MBNL1: variants seen among roughly 807,000 people sequenced by gnomAD.
MBNL1 encodes muscleblind like splicing regulator 1.
In MBNL1, 8 loss-of-function variants were observed where a neutral mutation model predicts 42.2. That is an observed-to-expected ratio of 0.19 (90% CI 0.11 to 0.34). MBNL1 has a LOEUF of 0.34. Among genes scored for constraint, MBNL1 ranks in the 10% least tolerant of loss-of-function variants. The pLI, the probability that MBNL1 is intolerant of heterozygous loss-of-function variation, is 1.00. For synonymous variants in MBNL1, 169 were observed against 173.9 expected (o/e 0.97, Z 0.22); for missense variants, 309 against 495.3 (o/e 0.62, Z 3.57).
intron 6 of MBNL1, among the ~76,000 whole-genome samples, chr3:152,448,492 CT>C (rs1478148468): frequency 2.0e-5 from 3 of 152,140 alleles, no homozygotes; most frequent in Non-Finnish European, 2.9e-5. Context: ...TCACTCTGAA[CT>C]TACTTCAGAA....
At chr3:152,276,318 C>CAGTA (rs2150096799) in intron 1 of MBNL1, among the ~76,000 whole-genome samples, 1 of 152,202 alleles carries the variant, frequency 6.6e-6, no homozygotes, top group South Asian at 2.1e-4. Context: ...CTCAGAACAA[C>CAGTA]CCTATGGTAT....
intron 3 of MBNL1, among the ~76,000 whole-genome samples, chr3:152,426,468 A>G (rs2153720271): frequency 6.6e-6 from 1 of 152,366 alleles, no homozygotes; most frequent in Middle Eastern, 3.4e-3. Flanking sequence ...TTGGTACATA[A>G]TTTAACCAAA....
intron 2 of MBNL1, among the ~76,000 whole-genome samples, chr3:152,261,108 A>G (rs745813640): frequency 6.6e-6 from 1 of 152,150 alleles, no homozygotes; most frequent in Non-Finnish European, 1.5e-5. Context: ...TTAGGCAAGA[A>G]GCTGGCAACC....
chr3:152,345,132 G>A (rs2094023785), intron 2 of MBNL1, among the ~76,000 whole-genome samples: 1 of 151,652 alleles, frequency 6.6e-6, no homozygotes, highest in Non-Finnish European at 1.5e-5. Flanking sequence ...ATTTATTTTG[G>A]CAATTCACTG....
intron 2 of MBNL1, among the ~76,000 whole-genome samples, chr3:152,392,118 G>T (rs1194377541): frequency 1.3e-5 from 2 of 151,690 alleles, no homozygotes; most frequent in Admixed American, 6.6e-5. Context: ...AGAAGCAGTT[G>T]ACATTTATAA....
At chr3:152,315,640 A>C (rs2070431086) in intron 2 of MBNL1, among the ~76,000 whole-genome samples, 1 of 151,960 alleles carries the variant, frequency 6.6e-6, no homozygotes, top group Non-Finnish European at 1.5e-5. Context: ...TTCACACTTA[A>C]TGTAAAAAAA....
chr3:152,408,832 A>G (rs575191902), intron 2 of MBNL1, among the ~76,000 whole-genome samples: 15 of 152,254 alleles, frequency 9.9e-5, no homozygotes, highest in Non-Finnish European at 1.6e-4. Context: ...GGTAGGGGTA[A>G]TATAGGCATT....
At chr3:152,380,496 T>C (rs977976603) in intron 2 of MBNL1, among the ~76,000 whole-genome samples, 1 of 152,086 alleles carries the variant, frequency 6.6e-6, no homozygotes, top group Non-Finnish European at 1.5e-5. Flanking sequence ...AATTGATTAC[T>C]AGATGTAAGC....
At chr3:152,247,286 T>C (rs781249346) in intron 2 of MBNL1, among the ~76,000 whole-genome samples, 1 of 152,106 alleles carries the variant, frequency 6.6e-6, no homozygotes, top group Non-Finnish European at 1.5e-5. Context: ...TGACTTTCTA[T>C]TTATTTTTAA....
At chr3:152,344,042 T>C (rs2093806630) in intron 2 of MBNL1, among the ~76,000 whole-genome samples, 1 of 136,280 alleles carries the variant, frequency 7.3e-6, no homozygotes, top group African/African-American at 2.8e-5. Flanking sequence ...GAAGTAAGAG[T>C]GGAAGTGTAA....
chr3:152,298,756 A>G (rs943674892), intron 1 of MBNL1, among the ~76,000 whole-genome samples: 2 of 152,202 alleles, frequency 1.3e-5, no homozygotes, highest in Admixed American at 6.5e-5. Flanking sequence ...TGAATTGGAT[A>G]GGTCAGGAGA....
intron 2 of MBNL1, among the ~76,000 whole-genome samples, chr3:152,250,974 CA>C (rs2034427740): frequency 6.6e-6 from 1 of 152,044 alleles, no homozygotes. Flanking sequence ...AGCAGCACAT[CA>C]AAAAGCTTAT....
intron 2 of MBNL1, among the ~76,000 whole-genome samples, chr3:152,317,617 G>A (rs1305600313): frequency 1.3e-5 from 2 of 152,102 alleles, no homozygotes; most frequent in African/African-American, 4.8e-5. Flanking sequence ...ACCGTGCCTG[G>A]CCTATTTTTT....
intron 2 of MBNL1, among the ~76,000 whole-genome samples, chr3:152,350,745 C>T (rs1180045040): frequency 6.6e-6 from 1 of 152,112 alleles, no homozygotes; most frequent in Admixed American, 6.6e-5. Context: ...ATACTACCTG[C>T]ATTTTGGTCA....
chr3:152,446,811 G>A, intron 5 of MBNL1: 24 of 1,365,330 alleles, frequency 1.8e-5, no homozygotes, highest in Non-Finnish European at 2.0e-5. Context: ...GTAGATACAA[G>A]TTTTTTTTTT....
At position 152,330,079 on chromosome 3, in the gene MBNL1, T is replaced by C. The variant is rs1183417451; in HGVS notation, c.174+29712T>C. ...GGTAGTCTCATTAATCCCTAGTCTC[T>C]ACTGACGTTATTAGGGACATTAGTG... On this transcript the variant is annotated intron_variant, in intron 2 of 9. Coordinates refer to ENST00000324210, the MANE Select transcript of MBNL1 (RefSeq NM_021038.5). Among the ~76,000 whole-genome samples the C allele has an allele frequency of 2.9e-4, 44 of 152,158 alleles. 1 individual carries two copies. The highest frequency in any genetic ancestry group is 2.1e-4 in the South Asian group (1 of 4,832).
At position 152,463,460 on chromosome 3, in the gene MBNL1, G is replaced by A. The variant is rs771927613; in HGVS notation, c.*1094G>A. The A allele has an allele frequency of 2.6e-5, 4 of 152,330 alleles. No homozygotes were observed. Among genetic ancestry groups the A allele is most frequent in the South Asian group, 2.1e-4 (1 of 4,832 alleles). The allele number at this position is 152,330 out of a possible 1,614,324, so 9.4% of individuals were successfully genotyped here. A position where few individuals can be genotyped will look rare whatever the true frequency, so the allele number is the denominator to read the frequency against. ...AAATGCTTTGCAAAAATGGTTTCAC[G>A]TTTGCTTAAATGCTTCATCACAGTC... On this transcript the variant is annotated 3_prime_UTR_variant, in exon 10 of 10. Transcript: ENST00000324210.
At chr3:152,346,157 A>G (rs1001290784) in intron 2 of MBNL1, among the ~76,000 whole-genome samples, 1 of 152,114 alleles carries the variant, frequency 6.6e-6, no homozygotes, top group Non-Finnish European at 1.5e-5. Flanking sequence ...CAAACTGTAC[A>G]AAAGCTTGGA....
chr3:152,277,863 C>A (rs2046221662), intron 1 of MBNL1, among the ~76,000 whole-genome samples: 1 of 151,880 alleles, frequency 6.6e-6, no homozygotes. Flanking sequence ...TTTAGATTGC[C>A]CGTGTCCATA....
Sources: allele counts gnomAD v4.1 joint callset (sites outside exome capture counted in the v4.1 genomes callset), GRCh38; gene constraint gnomAD v4.1.1; transcripts MANE v1.5; gene names NCBI Gene and HGNC (gene_info 2026-07-23, HGNC 2026-07-21).